ADCY8: variants seen among roughly 807,000 people sequenced by gnomAD.
ADCY8 encodes adenylate cyclase 8.
A neutral mutation model predicts 119.7 loss-of-function variants in ADCY8; 51 were observed. The observed-to-expected ratio is 0.43, with a 90% CI of 0.34 to 0.54. ADCY8 has a LOEUF of 0.54. Ranked by LOEUF, ADCY8 falls within the 20% of genes least tolerant of loss-of-function variation. The pLI, the probability that ADCY8 is intolerant of heterozygous loss-of-function variation, is 0.03. For synonymous variants in ADCY8, 665 were observed against 651.0 expected, an observed-to-expected ratio of 1.02 and a Z score of -0.33; for missense variants, 1,383 against 1,598.8, an observed-to-expected ratio of 0.87 and a Z score of 2.30.
chr8:130,946,015 T>A lies in ADCY8; in HGVS notation c.1242-2553A>T, dbSNP rs531108923. 4.0e-4 allele frequency among the ~76,000 whole-genome samples: 61 copies of A among 152,324 alleles called. 1 individual carries two copies. The South Asian group carries it at 0.012, about 29-fold the overall frequency. On this transcript the variant is annotated intron_variant, in intron 3 of 17. Coordinates refer to ENST00000286355, the MANE Select transcript of ADCY8 (RefSeq NM_001115.3). ...CCTCTTTATTGCTCAGCTATGCTAT[T>A]TTTGAAGAAAGAAAAGTCATTGCTA...
At chr8:130,862,335 A>G (rs1237996197) in intron 9 of ADCY8, among the ~76,000 whole-genome samples, 1 of 151,950 alleles carries the variant, frequency 6.6e-6, no homozygotes, top group Non-Finnish European at 1.5e-5. Context: ...TTTAATGTAA[A>G]TTTTCTTCTA....
intron 11 of ADCY8, among the ~76,000 whole-genome samples, chr8:130,841,650 C>G (rs946396385): frequency 6.6e-6 from 1 of 152,218 alleles, no homozygotes; most frequent in East Asian, 1.9e-4. Context: ...ACAATGATAA[C>G]TGACGAGGGA....
At chr8:130,943,217 C>G (rs1266412181) in intron 4 of ADCY8, 134 bp downstream of exon 4, 3 of 621,972 alleles carry the variant, frequency 4.8e-6, no homozygotes, top group Non-Finnish European at 8.6e-6. Context: ...GTGAGAGGGT[C>G]AGGGTCCATG....
At chr8:130,837,071 C>G (rs538716328) in intron 11 of ADCY8, among the ~76,000 whole-genome samples, 2 of 152,232 alleles carry the variant, frequency 1.3e-5, no homozygotes, top group East Asian at 3.9e-4. Context: ...AGCCAGCCTT[C>G]TTCCACACTG....
At chr8:130,936,150 G>A (rs953401861) in intron 5 of ADCY8, among the ~76,000 whole-genome samples, 1 of 151,526 alleles carries the variant, frequency 6.6e-6, no homozygotes, top group African/African-American at 2.4e-5. Flanking sequence ...CTTTTGCTGT[G>A]GCTTTGTGAG....
intron 1 of ADCY8, among the ~76,000 whole-genome samples, chr8:131,004,172 G>A (rs1278321486): frequency 6.6e-6 from 1 of 152,118 alleles, no homozygotes; most frequent in Non-Finnish European, 1.5e-5. Flanking sequence ...GAGGGATTAG[G>A]TTTACACGAG....
chr8:130,970,960 T>C (rs775445623), intron 2 of ADCY8, among the ~76,000 whole-genome samples: 3 of 152,140 alleles, frequency 2.0e-5, no homozygotes, highest in African/African-American at 7.2e-5. Context: ...CTATGAGGGA[T>C]GGATGAAAGA....
In ADCY8 at chr8:130,780,826, T is replaced by C. The variant is rs776205172; in HGVS notation, c.3320A>G (p.Gln1107Arg). 7 of 1,614,194 alleles carry C rather than the reference T, an allele frequency of 4.3e-6. No homozygotes were observed. Among genetic ancestry groups the C allele is most frequent in the Non-Finnish European group, 5.1e-6 (6 of 1,180,014 alleles). Residue 1107 changes from glutamine to arginine, a missense_variant, in exon 18 of 18, where the codon CAG becomes CGG. Transcript: ENST00000286355. ...CACAGTTTTGCCCCAAATGTCATACTGTGGTTTCTTAGCGCCGATAACGCC... is the reference window on the plus strand; with the variant it reads ...CACAGTTTTGCCCCAAATGTCATACCGTGGTTTCTTAGCGCCGATAACGCC... ...VAGVIGAKKP[Q>R]YDIWGKTVNL...
intron 11 of ADCY8, among the ~76,000 whole-genome samples, chr8:130,842,871 CAA>C (rs35357039): frequency 2.2e-4 from 19 of 87,268 alleles, no homozygotes; most frequent in African/African-American, 6.1e-4. Context: ...CACTCTGTCT[CAA>C]AAAAAAAAAA....
chr8:131,034,817 A>T (rs1824100212), intron 1 of ADCY8, among the ~76,000 whole-genome samples: 1 of 152,158 alleles, frequency 6.6e-6, no homozygotes. Flanking sequence ...TAATGCAGCG[A>T]TCTTTCTGGT....
intron 8 of ADCY8, among the ~76,000 whole-genome samples, chr8:130,877,940 A>G (rs1393867907): frequency 1.3e-5 from 2 of 152,216 alleles, no homozygotes; most frequent in Non-Finnish European, 2.9e-5. Context: ...AGATTGGCCC[A>G]TATGAGATTT....
chr8:130,959,581 T>C (rs1821537488), intron 2 of ADCY8, among the ~76,000 whole-genome samples: 1 of 152,196 alleles, frequency 6.6e-6, no homozygotes, highest in South Asian at 2.1e-4. Flanking sequence ...AGCATAGTAA[T>C]AATTATACAA....
intron 1 of ADCY8, among the ~76,000 whole-genome samples, chr8:131,029,750 G>T (rs922860271): frequency 6.6e-6 from 1 of 152,002 alleles, no homozygotes; most frequent in African/African-American, 2.4e-5. Flanking sequence ...AGTGCTTCAA[G>T]GGATAATTTC....
intron 1 of ADCY8, among the ~76,000 whole-genome samples, chr8:131,001,708 A>G (rs1225582015): frequency 6.6e-6 from 1 of 151,484 alleles, no homozygotes; most frequent in Non-Finnish European, 1.5e-5. Flanking sequence ...TGGAAATATG[A>G]GGCCATCTAT....
intron 2 of ADCY8, among the ~76,000 whole-genome samples, chr8:130,964,099 G>A (rs10956566): frequency 0.78 from 119,148 of 152,096 alleles, 50,108 homozygotes; most frequent in East Asian, 0.95. Context: ...GTCCTCGTAC[G>A]TCATGTAGAC....
At chr8:130,837,001 T>C (rs1469083488) in intron 11 of ADCY8, among the ~76,000 whole-genome samples, 2 of 152,194 alleles carry the variant, frequency 1.3e-5, no homozygotes, top group Non-Finnish European at 2.9e-5. Flanking sequence ...CCTAAAGTGC[T>C]GGGATTACAG....
chr8:130,925,524 A>G (rs1820439974), intron 5 of ADCY8, among the ~76,000 whole-genome samples: 1 of 152,188 alleles, frequency 6.6e-6, no homozygotes, highest in Non-Finnish European at 1.5e-5. Flanking sequence ...AGGAAGAGGC[A>G]GGAAACAGGG....
chr8:130,865,884 C>A (rs1307323050), intron 9 of ADCY8, among the ~76,000 whole-genome samples: 1 of 152,118 alleles, frequency 6.6e-6, no homozygotes, highest in Admixed American at 6.5e-5. Context: ...ATGGTTCCAG[C>A]TCTTCATGCC....
At chr8:130,943,495 A>C in intron 3 of ADCY8, 33 bp from the exon 4 acceptor site, 3 of 538,934 alleles carry the variant, frequency 5.6e-6, no homozygotes, top group East Asian at 5.1e-5. Flanking sequence ...GGGTGGGGGG[A>C]GGAAGTATAT....
Sources: gnomAD v4.1 joint callset for allele counts (sites outside exome capture counted in the v4.1 genomes callset) on GRCh38, gnomAD v4.1.1 for gene constraint, MANE v1.5 for transcripts, NCBI Gene and HGNC (gene_info 2026-07-23, HGNC 2026-07-21) for gene names.